Variants in NEDD4L observed in about 807,000 individuals in gnomAD.
The protein encoded by NEDD4L is NEDD4 like E3 ubiquitin protein ligase.
In NEDD4L, 54 loss-of-function variants were observed where a neutral mutation model predicts 148.9. The ratio of observed to expected loss-of-function variants is 0.36; its 90% CI spans 0.29 to 0.45. The LOEUF (loss-of-function observed/expected upper bound fraction) is 0.45. Among genes scored for constraint, NEDD4L ranks in the 20% least tolerant of loss-of-function variants. The pLI is 1.00. For synonymous variants in NEDD4L, 433 were observed against 440.7 expected (o/e 0.98, Z 0.22); for missense variants, 856 against 1,233.8 (o/e 0.69, Z 4.59).
intron 2 of NEDD4L, among the ~76,000 whole-genome samples, chr18:58,231,784 G>A (rs1216707592): frequency 2.0e-5 from 3 of 152,008 alleles, no homozygotes; most frequent in Admixed American, 6.5e-5. Context: ...GGCTGGTCTC[G>A]AACTCCTGAG....
intron 29 of NEDD4L, 100 bp downstream of exon 29, chr18:58,390,842 T>C (rs2146973479): frequency 6.2e-6 from 5 of 807,290 alleles, no homozygotes; most frequent in Non-Finnish European, 1.1e-5. Context: ...TGCAGAAGGC[T>C]AAGTTTCAGG....
At chr18:58,274,205 A>G (rs1225758964) in intron 5 of NEDD4L, among the ~76,000 whole-genome samples, 2 of 152,254 alleles carry the variant, frequency 1.3e-5, no homozygotes, top group East Asian at 1.9e-4. Context: ...CCATCCAACT[A>G]TAGTCACATA....
chr18:58,270,072 A>G (rs1338130558), intron 5 of NEDD4L, among the ~76,000 whole-genome samples: 2 of 152,212 alleles, frequency 1.3e-5, no homozygotes, highest in African/African-American at 2.4e-5. Flanking sequence ...AGACCGGTCT[A>G]TCCTGTTATG....
At chr18:58,203,688 C>A (rs2041673606) in intron 2 of NEDD4L, among the ~76,000 whole-genome samples, 1 of 140,576 alleles carries the variant, frequency 7.1e-6, no homozygotes. Context: ...CTGGTAAAAA[C>A]ATTTTGCAAT....
chr18:58,088,979 G>T (rs1177967778), intron 1 of NEDD4L, among the ~76,000 whole-genome samples: 1 of 152,134 alleles, frequency 6.6e-6, no homozygotes, highest in Non-Finnish European at 1.5e-5. Flanking sequence ...GCACTGGACA[G>T]ATAGATAAGG....
chr18:58,205,222 C>G (rs915057772), intron 2 of NEDD4L, among the ~76,000 whole-genome samples: 2 of 152,162 alleles, frequency 1.3e-5, no homozygotes, highest in Admixed American at 1.3e-4. Flanking sequence ...TTTGTGGTCA[C>G]CAGCTTCTAG....
intron 1 of NEDD4L, among the ~76,000 whole-genome samples, chr18:58,064,954 T>G (rs765622601): frequency 3.7e-4 from 57 of 152,094 alleles, no homozygotes; most frequent in Admixed American, 7.9e-4. Context: ...GGAAGTGATA[T>G]CCAGGTGGGG....
intron 1 of NEDD4L, among the ~76,000 whole-genome samples, chr18:58,099,537 T>C (rs2084629499): frequency 6.6e-6 from 1 of 152,248 alleles, no homozygotes; most frequent in Admixed American, 6.5e-5. Context: ...CTTCCTTTAG[T>C]GCTATTTCCT....
At chr18:58,149,401 G>A (rs2034435161) in intron 1 of NEDD4L, 1 of 1,491,652 alleles carries the variant, frequency 6.7e-7, no homozygotes, top group South Asian at 1.3e-5. Context: ...TCTCTCCTGT[G>A]ACCTTGTCAC....
intron 26 of NEDD4L, among the ~76,000 whole-genome samples, chr18:58,386,412 CT>C (rs1338700294): frequency 1.3e-5 from 2 of 152,124 alleles, no homozygotes; most frequent in Non-Finnish European, 2.9e-5. Flanking sequence ...TGCAGGTTCT[CT>C]TCTATACAGA....
intron 23 of NEDD4L, 65 bp from the exon 24 acceptor site, chr18:58,373,105 TAAAG>T (rs1221189529): frequency 2.2e-5 from 18 of 809,716 alleles, no homozygotes; most frequent in Admixed American, 2.2e-4. Flanking sequence ...AGAATGTAAT[TAAAG>T]AAGTCAAATG....
chr18:58,070,499 A>T (rs1344733329), intron 1 of NEDD4L, among the ~76,000 whole-genome samples: 3 of 152,102 alleles, frequency 2.0e-5, no homozygotes, highest in Admixed American at 6.5e-5. Flanking sequence ...CAGTTTTTTT[A>T]AAATGGAGAA....
intron 5 of NEDD4L, among the ~76,000 whole-genome samples, chr18:58,282,814 C>T (rs965821093): frequency 5.3e-5 from 8 of 152,102 alleles, no homozygotes; most frequent in Non-Finnish European, 1.2e-4. Context: ...TGGGAAATTC[C>T]CGTCTGTATC....
At chr18:58,188,581 G>A (rs924446772) in intron 2 of NEDD4L, among the ~76,000 whole-genome samples, 1 of 152,216 alleles carries the variant, frequency 6.6e-6, no homozygotes, top group African/African-American at 2.4e-5. Flanking sequence ...CGTGGGGCAC[G>A]TCCAATTTGA....
At chr18:58,149,457 A>C (rs1281909670) in intron 1 of NEDD4L, 1 of 1,542,078 alleles carries the variant, frequency 6.5e-7, no homozygotes, top group African/African-American at 1.4e-5. Flanking sequence ...ACTTCCGCAT[A>C]CTCTTCAGAA....
intron 1 of NEDD4L, among the ~76,000 whole-genome samples, chr18:58,135,791 A>G (rs1001403296): frequency 6.6e-6 from 1 of 152,192 alleles, no homozygotes; most frequent in African/African-American, 2.4e-5. Flanking sequence ...CACACTTGTC[A>G]TGGGAGGAAA....
intron 19 of NEDD4L, among the ~76,000 whole-genome samples, chr18:58,362,601 C>A (rs1197468037): frequency 6.6e-6 from 1 of 152,160 alleles, no homozygotes; most frequent in South Asian, 2.1e-4. Context: ...ACGGTTTATT[C>A]ATTGATTTCC....
intron 1 of NEDD4L, among the ~76,000 whole-genome samples, chr18:58,091,928 C>T (rs1259143878): frequency 6.6e-6 from 1 of 152,232 alleles, no homozygotes; most frequent in Middle Eastern, 3.2e-3. Flanking sequence ...ACTACATGCC[C>T]TGGGAACTGT....
chr18:58,234,181 T>C (rs1051337609), intron 2 of NEDD4L, among the ~76,000 whole-genome samples: 1 of 148,930 alleles, frequency 6.7e-6, no homozygotes, highest in Non-Finnish European at 1.5e-5. Context: ...TCTTTCTTTC[T>C]TTCCTTCCTT....
Sources: allele counts gnomAD v4.1 joint callset (sites outside exome capture counted in the v4.1 genomes callset), GRCh38; gene constraint gnomAD v4.1.1; transcripts MANE v1.5; gene names NCBI Gene and HGNC (gene_info 2026-07-23, HGNC 2026-07-21).